The following ATXN2 variants were observed in gnomAD, a reference collection of about 807,000 sequenced individuals.
ATXN2 encodes ataxin-2.
A neutral mutation model predicts 138.6 loss-of-function variants in ATXN2; 37 were observed. The ratio of observed to expected loss-of-function variants is 0.27; its 90% CI spans 0.21 to 0.35. The LOEUF is 0.35. Among genes scored for constraint, ATXN2 ranks in the 10% least tolerant of loss-of-function variants. The pLI is 1.00. For synonymous variants in ATXN2, 549 were observed against 543.7 expected, an observed-to-expected ratio of 1.01 and a Z score of -0.13; for missense variants, 1,216 against 1,480.3, an observed-to-expected ratio of 0.82 and a Z score of 2.93.
intron 5 of ATXN2, among the ~76,000 whole-genome samples, chr12:111,547,437 T>C (rs1881854321): frequency 7.1e-6 from 1 of 141,034 alleles, no homozygotes; most frequent in Non-Finnish European, 1.5e-5. Context: ...AAAATAAAGG[T>C]TTCCCTGGCT....
chr12:111,454,859 T>C (rs1240086809), intron 23 of ATXN2: 1 of 550,356 alleles, frequency 1.8e-6, no homozygotes, highest in African/African-American at 1.9e-5. Flanking sequence ...CAGCCTCTGG[T>C]AGACACCTAC....
Position 111,570,667 on chromosome 12 carries a change from C to G in ATXN2, c.252-14748G>C, listed in dbSNP as rs2023851. On this transcript the variant is annotated intron_variant, in intron 1 of 24. Transcript: ENST00000673436. ...AAACTGCTTATCTTCCTTGAAGATC[C>G]ATCTCAACTCTCATTATTTTGAAGC... 7.4e-4 allele frequency among the ~76,000 whole-genome samples: 112 copies of G among 152,112 alleles called. 1 individual carries two copies. The highest frequency in any genetic ancestry group is 2.7e-3 in the African/African-American group (110 of 41,482).
intron 5 of ATXN2, among the ~76,000 whole-genome samples, chr12:111,547,482 T>C (rs1881860729): frequency 1.3e-5 from 2 of 151,330 alleles, no homozygotes; most frequent in African/African-American, 4.9e-5. Context: ...TCCCAGCACT[T>C]TGGGAGGCCT....
chr12:111,599,261 C>T lies in ATXN2; in HGVS notation c.-227G>A. On this transcript the variant is annotated 5_prime_UTR_variant, in exon 1 of 25. Transcript: ENST00000673436. ...CCGCCGGGAGCCGGGCCGAAACGCGCCGCCGCCGTTGCCGTTGCTACCAAA... is the reference window on the plus strand; with the variant it reads ...CCGCCGGGAGCCGGGCCGAAACGCGTCGCCGCCGTTGCCGTTGCTACCAAA... 1 of 1,194,962 alleles carries T rather than the reference C, an allele frequency of 8.4e-7. No individual in the cohort carries two copies. Among genetic ancestry groups the T allele is most frequent in the Non-Finnish European group, 1.0e-6 (1 of 967,274 alleles). The allele number at this position is 1,194,962 out of a possible 1,614,324, so 74.0% of individuals were successfully genotyped here.
intron 1 of ATXN2, among the ~76,000 whole-genome samples, chr12:111,582,913 CCGCCTCGGCCTT>C (rs1407890585): frequency 5.9e-5 from 9 of 151,952 alleles, no homozygotes. Context: ...CGTGATCCAC[CCGCCTCGGCCTT>C]CCAAAGTGCT....
chr12:111,523,045 C>T (rs1407637830), intron 6 of ATXN2, among the ~76,000 whole-genome samples: 1 of 151,842 alleles, frequency 6.6e-6, no homozygotes, highest in African/African-American at 2.4e-5. Context: ...CTTTGGGAGG[C>T]TGAGGCAGGT....
chr12:111,574,763 G>T (rs1883539897), intron 1 of ATXN2, among the ~76,000 whole-genome samples: 1 of 152,148 alleles, frequency 6.6e-6, no homozygotes, highest in Non-Finnish European at 1.5e-5. Context: ...TACTGTTGAA[G>T]TATAGTCCTT....
chr12:111,518,085 T>A (rs1291676842), intron 9 of ATXN2, among the ~76,000 whole-genome samples, 164 bp downstream of exon 9: 1 of 152,212 alleles, frequency 6.6e-6, no homozygotes, highest in African/African-American at 2.4e-5. Flanking sequence ...GTTTTACTAA[T>A]TTAATATCCA....
intron 1 of ATXN2, among the ~76,000 whole-genome samples, chr12:111,592,782 C>CAAAAAAAAAAAAAAA (rs71083183): frequency 0.02 from 523 of 25,996 alleles, 157 homozygotes; most frequent in Non-Finnish European, 0.025. Flanking sequence ...GACTCCGTCT[C>CAAAAAAAAAAAAAAA]AAAAAAAAAA....
At chr12:111,467,916 C>T (rs377345784) in intron 20 of ATXN2, among the ~76,000 whole-genome samples, 1 of 152,204 alleles carries the variant, frequency 6.6e-6, no homozygotes. Context: ...GAGAAAGATT[C>T]GGCTCAACAT....
At position 111,513,517 on chromosome 12, in the gene ATXN2, C is replaced by T; in HGVS notation, c.1398G>A (p.Lys466=). 6.2e-7 allele frequency: 1 copy of T among 1,613,120 alleles called. No homozygotes were observed. The highest frequency in any genetic ancestry group is 8.5e-7 in the Non-Finnish European group (1 of 1,179,680). Residue 466 remains lysine (K), a synonymous_variant, in exon 11 of 25, where the codon AAG becomes AAA. Coordinates refer to ENST00000673436, the MANE Select transcript of ATXN2 (RefSeq NM_001372574.1). ...TGTGATTTCGAGGATGTCGCTGGGC[C>T]TTTGGGGACATCCTTGGAGGCCCTA... ...SSEGPPRMSP[K]AQRHPRNHRV... is the part of the protein sequence containing the mutation.
chr12:111,520,173 T>C (rs1333309595), intron 7 of ATXN2, 97 bp from the exon 8 acceptor site: 6 of 1,430,824 alleles, frequency 4.2e-6, no homozygotes, highest in African/African-American at 2.9e-5. Flanking sequence ...GAGTTTAGAA[T>C]ACTGGTAAAA....
chr12:111,532,506 T>C (rs997869728), intron 5 of ATXN2, among the ~76,000 whole-genome samples: 1 of 151,954 alleles, frequency 6.6e-6, no homozygotes, highest in Non-Finnish European at 1.5e-5. Context: ...AAATAATAAT[T>C]TGAGATACCC....
chr12:111,456,848 C>T (rs7309993), intron 22 of ATXN2, among the ~76,000 whole-genome samples: 15,699 of 152,076 alleles, frequency 0.1, 2,704 homozygotes, highest in African/African-American at 0.36. Context: ...CCCGGGTTCA[C>T]GCCATTCTCC....
chr12:111,500,822 G>A (rs961214058), intron 14 of ATXN2, among the ~76,000 whole-genome samples: 2 of 152,166 alleles, frequency 1.3e-5, no homozygotes, highest in African/African-American at 2.4e-5. Flanking sequence ...GCAGTGAGTT[G>A]AGACTGCGCC....
At chr12:111,478,882 G>A (rs1035620609) in intron 18 of ATXN2, among the ~76,000 whole-genome samples, 3 of 151,658 alleles carry the variant, frequency 2.0e-5, no homozygotes, top group African/African-American at 4.8e-5. Flanking sequence ...GGTGGTGCGC[G>A]CCTGTAATCC....
At chr12:111,541,385 CTT>C (rs1881502921) in intron 5 of ATXN2, among the ~76,000 whole-genome samples, 1 of 90,026 alleles carries the variant, frequency 1.1e-5, no homozygotes, top group South Asian at 3.3e-4. Context: ...GAGTTTTACT[CTT>C]GTTGCCCAGG....
At position 111,453,991 on chromosome 12, in the gene ATXN2, T is replaced by G; in HGVS notation, c.3271-146A>C. 1.2e-4 allele frequency: 90 copies of G among 744,098 alleles called. No individual in the cohort carries two copies. The highest frequency in any genetic ancestry group is 1.7e-4 in the East Asian group (6 of 35,254). 46.1% of individuals were successfully genotyped at this position (744,098 alleles called of 1,614,324 possible). ...AGTTCTGTTCTCTGGGGACAATCTCTAGTAGATTATCTATTGACCTGAAGA... is the reference window on the plus strand; with the variant it reads ...AGTTCTGTTCTCTGGGGACAATCTCGAGTAGATTATCTATTGACCTGAAGA... On this transcript the variant is annotated intron_variant, in intron 23 of 24. Transcript: ENST00000673436. The surrounding 1 kb of genome is among the most constrained non-coding windows in gnomAD (Gnocchi z 5.4).
At chr12:111,501,784 C>T (rs183761528) in intron 14 of ATXN2, among the ~76,000 whole-genome samples, 58 of 152,226 alleles carry the variant, frequency 3.8e-4, no homozygotes, top group Admixed American at 1.7e-3. Flanking sequence ...CCAAGGACTT[C>T]GGAGTTTAAT....
Sources: gnomAD v4.1 joint callset for allele counts (sites outside exome capture counted in the v4.1 genomes callset) on GRCh38, gnomAD v4.1.1 for gene constraint, Gnocchi (gnomAD v3.1) non-coding constraint, MANE v1.5 for transcripts, NCBI Gene and HGNC (gene_info 2026-07-23, HGNC 2026-07-21) for gene names.